REXO4: variants seen among roughly 807,000 people sequenced by gnomAD.
The protein encoded by REXO4 is RNA exonuclease 4.
REXO4 carries 29 observed loss-of-function variants against 39.9 expected under a neutral mutation model. That is an observed-to-expected ratio of 0.73 (90% CI 0.54 to 0.99). The LOEUF (loss-of-function observed/expected upper bound fraction) is 0.99, where lower values mean the gene tolerates loss of function less well. REXO4 is among the 50% of genes least tolerant of loss of function. The probability of loss-of-function intolerance (pLI) is 0.00; values close to 1 mark genes in which losing one functional copy is unlikely to be tolerated. For missense variants in REXO4, 524 were observed against 546.5 expected, an observed-to-expected ratio of 0.96 and a Z score of 0.41; for synonymous variants, 184 against 206.2, an observed-to-expected ratio of 0.89 and a Z score of 0.92.
chr9:133,409,500 A>G (rs1206214664), intron 5 of REXO4, among the ~76,000 whole-genome samples: 1 of 152,244 alleles, frequency 6.6e-6, no homozygotes, highest in Non-Finnish European at 1.5e-5. Flanking sequence ...TTGGTTCTAC[A>G]CATCAGGAAG....
In REXO4 at chr9:133,417,811, C is replaced by T. The variant is rs372737242; in HGVS notation, c.34G>A (p.Ala12Thr). 6.2e-6 allele frequency: 10 copies of T among 1,605,700 alleles called. No homozygotes were observed. The African/African-American group carries it at 1.1e-4, about 17-fold the overall frequency. The change falls in exon 1 of 8, where the codon GCC becomes ACC. Residue 12 changes from alanine to threonine, a missense_variant. Ala to Thr is a moderately conservative substitution (Grantham distance 58, BLOSUM62 0). Coordinates refer to ENST00000371942, the MANE Select transcript of REXO4 (RefSeq NM_020385.4). ...GKAKVPASKR[A>T]PSSPVAKPGP... ...GGCTTAGCCACGGGGCTGCTCGGGG[C>T]GCGCTTGGAGGCGGGGACCTTCGCC...
intron 1 of REXO4, among the ~76,000 whole-genome samples, chr9:133,417,413 C>G (rs1212711246): frequency 6.6e-6 from 1 of 152,254 alleles, no homozygotes; most frequent in Non-Finnish European, 1.5e-5. Flanking sequence ...CTTTTTTGTA[C>G]TTGAAATAAT....
intron 1 of REXO4, among the ~76,000 whole-genome samples, chr9:133,415,456 G>A (rs1457415777): frequency 2.8e-4 from 42 of 151,630 alleles, no homozygotes; most frequent in Non-Finnish European, 4.4e-5. Context: ...CTGCTGTGAA[G>A]ATCTCAGGAA....
intron 1 of REXO4, among the ~76,000 whole-genome samples, chr9:133,415,411 C>CTT (rs11428403): frequency 0.011 from 1,520 of 143,592 alleles, 7 homozygotes; most frequent in Admixed American, 0.019. Context: ...ACAGAAATCG[C>CTT]TTTTTTTTTT....
chr9:133,413,241 C>T lies in REXO4; in HGVS notation c.573-320G>A, dbSNP rs587745557. 2.3e-3 allele frequency among the ~76,000 whole-genome samples: 352 copies of T among 152,148 alleles called. 1 individual carries two copies. Among genetic ancestry groups the T allele is most frequent in the African/African-American group, 7.9e-3 (329 of 41,504 alleles). ...AGCCTCCCTAGTAGCTGGGATTTTA[C>T]AGGCGCCCACTGCCACGCCTGGCTA... On this transcript the variant is annotated intron_variant, in intron 2 of 7. Coordinates refer to ENST00000371942, the MANE Select transcript of REXO4 (RefSeq NM_020385.4).
intron 7 of REXO4, 118 bp from the exon 8 acceptor site, chr9:133,407,190 G>T: frequency 6.7e-7 from 1 of 1,503,418 alleles, no homozygotes; most frequent in Non-Finnish European, 9.0e-7. Context: ...AGTGAGACAT[G>T]GACCTGGCCA....
In REXO4 at chr9:133,412,447, G is replaced by T. The variant is rs1244761297; in HGVS notation, c.762C>A (p.Gly254=). Residue 254 remains glycine, a synonymous_variant, in exon 4 of 8, where the codon GGC becomes GGA. Coordinates refer to ENST00000371942, the MANE Select transcript of REXO4 (RefSeq NM_020385.4). ...CGGCCATGCTCTCCTCCCCCTTAGG[G>T]CCCACGCCCACCATCTCACAGTCCA... ...LALDCEMVGV[G]PKGEESMAAR... The T allele has an allele frequency of 6.2e-7, 1 of 1,614,050 alleles. No homozygotes were observed. Among genetic ancestry groups the T allele is most frequent in the South Asian group, 1.1e-5 (1 of 91,076 alleles).
chr9:133,407,542 T>C (rs1483969586), intron 7 of REXO4, among the ~76,000 whole-genome samples: 1 of 152,204 alleles, frequency 6.6e-6, no homozygotes, highest in Non-Finnish European at 1.5e-5. Flanking sequence ...GGGGGACCCT[T>C]TGTAATTATT....
chr9:133,412,556 C>A, intron 3 of REXO4, 64 bp from the exon 4 acceptor site: 1 of 1,559,036 alleles, frequency 6.4e-7, no homozygotes, highest in Non-Finnish European at 8.8e-7. Flanking sequence ...CAGGTCAGAG[C>A]CCCAGGGATC....
chr9:133,407,555 G>A (rs1038615499), intron 7 of REXO4, among the ~76,000 whole-genome samples: 1 of 152,140 alleles, frequency 6.6e-6, no homozygotes, highest in African/African-American at 2.4e-5. Context: ...TAATTATTTG[G>A]CAACTTTTTC....
intron 1 of REXO4, chr9:133,415,911 A>C (rs951897739): frequency 6.6e-6 from 1 of 152,250 alleles, no homozygotes; most frequent in Non-Finnish European, 1.5e-5. Context: ...TAGGAGGTTC[A>C]AGAAGCGCTC....
chr9:133,415,397 C>A (rs960131451), intron 1 of REXO4, among the ~76,000 whole-genome samples: 2 of 151,466 alleles, frequency 1.3e-5, no homozygotes, highest in African/African-American at 4.8e-5. Flanking sequence ...CAACATCCTG[C>A]TACACAGAAA....
Position 133,414,826 on chromosome 9 carries a change from C to T in REXO4, c.411G>A (p.Lys137=). ...ASRGSVPSGS[K]MDRRAPVPRT... is the part of the protein sequence containing the mutation. Reference sequence around the variant, plus strand: ...GAGGTACTGGCGCCCTCCTGTCCATCTTGGAACCTGAAGGAACAGAGCCCC... The same window carrying T: ...GAGGTACTGGCGCCCTCCTGTCCATTTTGGAACCTGAAGGAACAGAGCCCC... Residue 137 remains lysine (K), a synonymous_variant, in exon 2 of 8, where the codon AAG becomes AAA. Coordinates refer to ENST00000371942, the MANE Select transcript of REXO4 (RefSeq NM_020385.4). 1 of 1,614,212 alleles carries T rather than the reference C, an allele frequency of 6.2e-7. No individual in the cohort carries two copies. Among genetic ancestry groups the T allele is most frequent in the Non-Finnish European group, 8.5e-7 (1 of 1,180,052 alleles).
At chr9:133,413,208 C>T (rs182866764) in intron 2 of REXO4, among the ~76,000 whole-genome samples, 2 of 152,086 alleles carry the variant, frequency 1.3e-5, no homozygotes, top group East Asian at 1.9e-4. Flanking sequence ...AAGTGATTCT[C>T]TTGTCTCAGC....
intron 5 of REXO4, among the ~76,000 whole-genome samples, chr9:133,409,365 A>C (rs183204457): frequency 3.0e-4 from 45 of 152,274 alleles, no homozygotes; most frequent in African/African-American, 1.0e-3. Flanking sequence ...TATTGCACTG[A>C]CTTAAGCTGA....
intron 5 of REXO4, 106 bp from the exon 6 acceptor site, chr9:133,408,948 G>C (rs1588130131): frequency 2.2e-6 from 1 of 451,418 alleles, no homozygotes; most frequent in African/African-American, 2.3e-5. Flanking sequence ...GTGTGTGTGT[G>C]TGTGTGTGTG....
At chr9:133,414,518 C>G in intron 2 of REXO4, 147 bp downstream of exon 2, 3 of 787,354 alleles carry the variant, frequency 3.8e-6, no homozygotes, top group Non-Finnish European at 6.6e-6. Flanking sequence ...TAGGGGAAAA[C>G]AAGTAACAGC....
intron 5 of REXO4, 141 bp downstream of exon 5, chr9:133,410,844 C>T (rs587768771): frequency 3.6e-5 from 24 of 658,094 alleles, no homozygotes; most frequent in Middle Eastern, 3.8e-4. Flanking sequence ...ACTCAGCACG[C>T]GGTATCTGAT....
intron 4 of REXO4, among the ~76,000 whole-genome samples, 155 bp downstream of exon 4, chr9:133,412,144 G>A (rs369932793): frequency 6.6e-6 from 1 of 151,976 alleles, no homozygotes; most frequent in African/African-American, 2.4e-5. Context: ...GTCTAAGGAT[G>A]CCTTTTGTAT....
Sources: gnomAD v4.1 joint callset for allele counts (sites outside exome capture counted in the v4.1 genomes callset) on GRCh38, gnomAD v4.1.1 for gene constraint, MANE v1.5 for transcripts, NCBI Gene and HGNC (gene_info 2026-07-23, HGNC 2026-07-21) for gene names.